ATP11B: variants seen among roughly 807,000 people sequenced by gnomAD.
The protein encoded by ATP11B is ATPase phospholipid transporting 11B (putative), also known as phospholipid-transporting ATPase IF.
Under a neutral mutation model 157.8 loss-of-function variants are expected in ATP11B, and 81 were observed. The observed-to-expected ratio is 0.51, with a 90% CI of 0.43 to 0.62. The LOEUF is 0.62. Among genes scored for constraint, ATP11B ranks in the 20% least tolerant of loss-of-function variants. The probability of loss-of-function intolerance (pLI) is 0.00; values close to 1 mark genes in which losing one functional copy is unlikely to be tolerated. For missense variants in ATP11B, 1,165 were observed against 1,402.2 expected (o/e 0.83, Z 2.70); for synonymous variants, 451 against 469.4 (o/e 0.96, Z 0.51).
intron 3 of ATP11B, among the ~76,000 whole-genome samples, chr3:182,828,975 T>A (rs527890570): frequency 1.2e-4 from 18 of 152,238 alleles, no homozygotes; most frequent in African/African-American, 4.3e-4. Flanking sequence ...ACTTGTCAAA[T>A]AATCATTTTA....
Position 182,900,315 on chromosome 3 carries a change from T to A in ATP11B, c.3318+1543T>A, listed in dbSNP as rs376689165. ...CTCCTCTATAAAATCAGAAAAATAA[T>A]TGCTACTTTACATGGTTGTTAGAGA... is the stretch of plus-strand genomic sequence containing the variant. On this transcript the variant is annotated intron_variant, in intron 28 of 29. Coordinates refer to ENST00000323116, the MANE Select transcript of ATP11B (RefSeq NM_014616.3). Among the ~76,000 whole-genome samples the A allele has an allele frequency of 3.9e-5, 6 of 152,302 alleles. No individual in the cohort carries two copies. In the East Asian group the frequency reaches 1.2e-3, roughly 29 times the overall value.
chr3:182,894,948 T>C (rs1288798729), intron 25 of ATP11B, among the ~76,000 whole-genome samples: 1 of 145,908 alleles, frequency 6.9e-6, no homozygotes, highest in African/African-American at 2.6e-5. Context: ...TGAAAGCCCA[T>C]CTCTGTAAAA....
chr3:182,798,956 C>T (rs1013859930), intron 1 of ATP11B, among the ~76,000 whole-genome samples: 1 of 152,144 alleles, frequency 6.6e-6, no homozygotes, highest in Non-Finnish European at 1.5e-5. Flanking sequence ...ACATATGTGG[C>T]TTAGGCCATA....
intron 28 of ATP11B, among the ~76,000 whole-genome samples, chr3:182,904,332 A>G (rs1304398716): frequency 1.3e-5 from 2 of 152,212 alleles, no homozygotes; most frequent in Non-Finnish European, 2.9e-5. Context: ...CAGGCTGAGA[A>G]AACAGTTACT....
chr3:182,903,938 A>C (rs1724151337), intron 28 of ATP11B, among the ~76,000 whole-genome samples: 1 of 152,234 alleles, frequency 6.6e-6, no homozygotes, highest in East Asian at 1.9e-4. Flanking sequence ...TTTTTTAGCA[A>C]AGCTAGATTT....
chr3:182,850,355 C>T (rs1038340661), intron 10 of ATP11B, among the ~76,000 whole-genome samples: 1 of 151,988 alleles, frequency 6.6e-6, no homozygotes, highest in African/African-American at 2.4e-5. Flanking sequence ...TGCCTGTAGT[C>T]CCAGCTACTC....
intron 29 of ATP11B, chr3:182,916,989 T>C (rs2108600413): frequency 2.0e-6 from 2 of 984,570 alleles, no homozygotes; most frequent in Non-Finnish European, 2.4e-6. Context: ...GACACAGTTC[T>C]AGATGCTAGG....
rs1715386013 is a variant in ATP11B, at chr3:182,793,657, T to G, written c.-103T>G. 1 of 697,986 alleles carries G rather than the reference T, an allele frequency of 1.4e-6. No homozygotes were observed. The highest frequency in any genetic ancestry group is 4.4e-4 in the Middle Eastern group (1 of 2,254). 43.2% of individuals were successfully genotyped at this position (697,986 alleles called of 1,614,324 possible). ...GGCGGCGGCGGCGGTAAGCGGAACT[T>G]CGGCCCGAGGGGCTCGCCCGCTCCC... On this transcript the variant is annotated 5_prime_UTR_variant, in exon 1 of 30. Transcript: ENST00000323116.
intron 1 of ATP11B, among the ~76,000 whole-genome samples, chr3:182,818,266 A>G (rs1053312625): frequency 6.6e-6 from 1 of 152,356 alleles, no homozygotes; most frequent in East Asian, 1.9e-4. Flanking sequence ...CTTTTGAGAA[A>G]TACAGCCCTA....
intron 25 of ATP11B, among the ~76,000 whole-genome samples, chr3:182,893,694 C>T (rs1351518859): frequency 6.6e-6 from 1 of 152,152 alleles, no homozygotes; most frequent in African/African-American, 2.4e-5. Context: ...TTCTTTTCCT[C>T]TGGGTAGATA....
chr3:182,825,806 A>G (rs975734233), intron 2 of ATP11B, among the ~76,000 whole-genome samples: 1 of 152,006 alleles, frequency 6.6e-6, no homozygotes, highest in African/African-American at 2.4e-5. Flanking sequence ...AGTCTGAGAC[A>G]TGAGAATCGC....
intron 2 of ATP11B, among the ~76,000 whole-genome samples, chr3:182,826,027 A>G (rs1314652177): frequency 2.6e-5 from 4 of 152,222 alleles, no homozygotes; most frequent in African/African-American, 4.8e-5. Context: ...CTTCTAATTC[A>G]TTTGTCTTAA....
At chr3:182,901,995 A>C (rs1386587235) in intron 28 of ATP11B, among the ~76,000 whole-genome samples, 2 of 152,038 alleles carry the variant, frequency 1.3e-5, no homozygotes, top group Non-Finnish European at 2.9e-5. Context: ...CTCTACTTCT[A>C]CTCAGGGATC....
Position 182,917,478 on chromosome 3 carries a change from T to C in ATP11B, c.3453-545T>C, listed in dbSNP as rs572057481. The C allele has an allele frequency of 2.5e-5, 25 of 985,390 alleles. No individual in the cohort carries two copies. In the South Asian group the frequency reaches 8.9e-4, roughly 35 times the overall value. 61.0% of individuals were successfully genotyped at this position (985,390 alleles called of 1,614,324 possible). On this transcript the variant is annotated intron_variant, in intron 29 of 29. Transcript: ENST00000323116. ...CCAGTAGAGGATCGTTTGTCCTTATTAAGTGAAAACGCTAGTGACCTACAG... is the reference window on the plus strand; with the variant it reads ...CCAGTAGAGGATCGTTTGTCCTTATCAAGTGAAAACGCTAGTGACCTACAG...
intron 29 of ATP11B, chr3:182,915,246 T>C (rs1577126214): frequency 1.0e-6 from 1 of 985,354 alleles, no homozygotes; most frequent in African/African-American, 1.7e-5. Context: ...CATTCTTATG[T>C]TAACATAATG....
At chr3:182,848,162 T>C (rs1719683371) in intron 9 of ATP11B, among the ~76,000 whole-genome samples, 1 of 152,198 alleles carries the variant, frequency 6.6e-6, no homozygotes, top group African/African-American at 2.4e-5. Flanking sequence ...GTAATGGCCT[T>C]CCCTGACACT....
At chr3:182,840,267 C>A (rs1718904319) in intron 7 of ATP11B, among the ~76,000 whole-genome samples, 1 of 152,158 alleles carries the variant, frequency 6.6e-6, no homozygotes, top group African/African-American at 2.4e-5. Flanking sequence ...TCCTACCTCA[C>A]TATTCCCTCT....
At chr3:182,816,325 C>G (rs1425696338) in intron 1 of ATP11B, among the ~76,000 whole-genome samples, 4 of 152,144 alleles carry the variant, frequency 2.6e-5, no homozygotes, top group Admixed American at 2.0e-4. Flanking sequence ...AAGATAAAAT[C>G]AGAGAAGAAA....
Position 182,889,517 on chromosome 3 carries a change from G to A in ATP11B, c.2951G>A (p.Gly984Glu), listed in dbSNP as rs1453689477. 1 of 1,565,270 alleles carries A rather than the reference G, an allele frequency of 6.4e-7. No individual in the cohort carries two copies. Among genetic ancestry groups the A allele is most frequent in the South Asian group, 1.2e-5 (1 of 81,828 alleles). Residue 984 changes from glycine to glutamate, a missense_variant, in exon 25 of 30, where the codon GGG becomes GAG. By Grantham distance (98) the Gly-to-Glu change is moderately conservative. Coordinates refer to ENST00000323116, the MANE Select transcript of ATP11B (RefSeq NM_014616.3). ...TTTTTTGGATCCTATTTACTAATAGGGAAAGATACATCTCTGCTTGGAAAT... is the reference window on the plus strand; with the variant it reads ...TTTTTTGGATCCTATTTACTAATAGAGAAAGATACATCTCTGCTTGGAAAT... ...IFFFGSYLLI[G>E]KDTSLLGNGQ...
Sources: allele counts gnomAD v4.1 joint callset (sites outside exome capture counted in the v4.1 genomes callset), GRCh38; gene constraint gnomAD v4.1.1; transcripts MANE v1.5; gene names NCBI Gene and HGNC (gene_info 2026-07-23, HGNC 2026-07-21).